The following LPIN1 variants were observed in gnomAD, a reference collection of about 807,000 sequenced individuals.
LPIN1 encodes the protein lipin 1.
A neutral mutation model predicts 107.5 loss-of-function variants in LPIN1; 71 were observed. The ratio of observed to expected loss-of-function variants is 0.66; its 90% CI spans 0.55 to 0.80. LPIN1 has a LOEUF of 0.80. LPIN1 is among the 30% of genes least tolerant of loss of function. The pLI is 0.00. For missense variants in LPIN1, 1,043 were observed against 1,160.6 expected (o/e 0.90, Z 1.47); for synonymous variants, 445 against 452.6 (o/e 0.98, Z 0.21).
intron 18 of LPIN1, chr2:11,817,084 A>G (rs1361609770): frequency 6.6e-6 from 1 of 152,188 alleles, no homozygotes; most frequent in African/African-American, 2.4e-5. Flanking sequence ...TGTCCCTGCA[A>G]AGGACATGAG....
At position 11,786,751 on chromosome 2, in the gene LPIN1, A is replaced by C. The variant is rs1212402423; in HGVS notation, c.1550-323A>C. Among the ~76,000 whole-genome samples, 3 of 152,146 alleles carry C rather than the reference A, an allele frequency of 2.0e-5. No homozygotes were observed. The highest frequency in any genetic ancestry group is 4.4e-5 in the Non-Finnish European group (3 of 68,020). On this transcript the variant is annotated intron_variant, in intron 10 of 20. Transcript: ENST00000674199. This position sits in a 1 kb window ranked among gnomAD's most constrained non-coding sequence, Gnocchi z 4.1. ...GCCGAGGGAGCCTGGCTTCTGCGCC[A>C]TGCGTAGCCATGACTCTGCCTGTGC...
intron 1 of LPIN1, among the ~76,000 whole-genome samples, chr2:11,705,139 A>G (rs1572354819): frequency 6.6e-6 from 1 of 152,330 alleles, no homozygotes; most frequent in Non-Finnish European, 1.5e-5. Flanking sequence ...GCCCCCTCCC[A>G]TAAATAGTAG....
chr2:11,713,946 A>T (rs932594048), intron 2 of LPIN1: 24 of 572,818 alleles, frequency 4.2e-5, no homozygotes, highest in Non-Finnish European at 5.8e-5. Context: ...CTTTCCGCTG[A>T]TGCTTTCAGA....
chr2:11,700,596 C>G (rs1662821188), intron 1 of LPIN1, among the ~76,000 whole-genome samples: 1 of 152,164 alleles, frequency 6.6e-6, no homozygotes, highest in Non-Finnish European at 1.5e-5. Flanking sequence ...GGCAGTATCA[C>G]AGATAAGGAA....
intron 17 of LPIN1, among the ~76,000 whole-genome samples, chr2:11,809,032 T>C (rs769407416): frequency 1.9e-3 from 292 of 152,272 alleles, no homozygotes; most frequent in Middle Eastern, 3.4e-3. Flanking sequence ...ATAAGGCTAA[T>C]TGTCACCTTG....
upstream of LPIN1, among the ~76,000 whole-genome samples, chr2:11,720,448 A>G (rs1354166438): frequency 6.6e-6 from 1 of 152,112 alleles, no homozygotes; most frequent in Non-Finnish European, 1.5e-5. Context: ...ATGCTTTAAT[A>G]TGTAACTACT....
intron 4 of LPIN1, among the ~76,000 whole-genome samples, chr2:11,773,162 T>C (rs1255018966): frequency 6.6e-6 from 1 of 152,232 alleles, no homozygotes; most frequent in Non-Finnish European, 1.5e-5. Context: ...GCATGTTTGG[T>C]TGATGCCATT....
intron 1 of LPIN1, among the ~76,000 whole-genome samples, chr2:11,757,239 C>A (rs1051577761): frequency 3.3e-5 from 5 of 152,212 alleles, no homozygotes; most frequent in Admixed American, 6.5e-5. Flanking sequence ...TGGTCCTCTG[C>A]AGGTTTTGTT....
At chr2:11,743,049 G>A (rs966826529), upstream of LPIN1, among the ~76,000 whole-genome samples, 1 of 152,192 alleles carries the variant, frequency 6.6e-6, no homozygotes, top group African/African-American at 2.4e-5. The surrounding 1 kb of genome is among the most constrained non-coding windows in gnomAD (Gnocchi z 4.7). Context: ...ATCAGTGCAC[G>A]GCCCTTCAGT....
intron 1 of LPIN1, among the ~76,000 whole-genome samples, chr2:11,701,025 G>C (rs993119146): frequency 1.3e-5 from 2 of 152,126 alleles, no homozygotes; most frequent in African/African-American, 4.8e-5. Context: ...CCTTGGCCCT[G>C]CTCCCCCTCA....
intron 3 of LPIN1, among the ~76,000 whole-genome samples, chr2:11,768,398 T>C (rs1035109472): frequency 1.3e-5 from 2 of 152,150 alleles, no homozygotes; most frequent in African/African-American, 4.8e-5. Context: ...TCGCCTCCCC[T>C]ATACTCCACC....
chr2:11,816,749 T>C (rs200472465), intron 18 of LPIN1: 7,095 of 152,028 alleles, frequency 0.047, 319 homozygotes, highest in East Asian at 0.14. Flanking sequence ...TCCTTTTTTT[T>C]TTTTTTTTTT....
chr2:11,691,133 A>C (rs1384584948), intron 1 of LPIN1, among the ~76,000 whole-genome samples: 1 of 134,728 alleles, frequency 7.4e-6, no homozygotes, highest in Non-Finnish European at 1.5e-5. Context: ...ACCAACTCCT[A>C]GTCCTTTGTT....
Position 11,733,735 on chromosome 2 carries a change from TC to T in LPIN1, c.-71-7611del, listed in dbSNP as rs201646056. On this transcript the variant is annotated intron_variant, in intron 1 of 21. Transcript: ENST00000396097. ...TTGAACTCCTGGCTTCAAGCAATCTTCCCGCCTCGGCCTCCCAAAGTGCTGG... is the reference window on the plus strand; with the variant it reads ...TTGAACTCCTGGCTTCAAGCAATCTTCCGCCTCGGCCTCCCAAAGTGCTGG... Among the ~76,000 whole-genome samples the T allele has an allele frequency of 7.8e-4, 118 of 152,204 alleles. 2 individuals carry two copies. The East Asian group carries it at 0.02, about 26-fold the overall frequency.
At chr2:11,758,993 C>T (rs1669096842) in intron 1 of LPIN1, among the ~76,000 whole-genome samples, 1 of 152,190 alleles carries the variant, frequency 6.6e-6, no homozygotes, top group Admixed American at 6.5e-5. Context: ...AGGAGTGGAG[C>T]CTTTGTCTTG....
intron 16 of LPIN1, among the ~76,000 whole-genome samples, 186 bp from the exon 17 acceptor site, chr2:11,804,884 C>T (rs529726572): frequency 1.3e-5 from 2 of 152,112 alleles, no homozygotes; most frequent in South Asian, 2.1e-4. Flanking sequence ...AGACTGGAGG[C>T]GTCCTTCTGT....
intron 17 of LPIN1, among the ~76,000 whole-genome samples, chr2:11,810,635 C>G (rs1290764120): frequency 6.6e-6 from 1 of 152,152 alleles, no homozygotes; most frequent in Non-Finnish European, 1.5e-5. Context: ...CAGTGGCTCT[C>G]AACTGACGGA....
chr2:11,778,114 C>T (rs970562154), intron 6 of LPIN1, among the ~76,000 whole-genome samples: 1 of 147,360 alleles, frequency 6.8e-6, no homozygotes, highest in Non-Finnish European at 1.5e-5. Flanking sequence ...GTTGAAAGGC[C>T]AGGAGCCTTT....
chr2:11,786,924 C>T lies in LPIN1; in HGVS notation c.1550-150C>T, dbSNP rs1204003028. 4.3e-5 allele frequency: 30 copies of T among 690,802 alleles called. No individual in the cohort carries two copies. In the Admixed American group the frequency reaches 5.3e-4, roughly 12 times the overall value. The allele number at this position is 690,802 out of a possible 1,614,324, so 42.8% of individuals were successfully genotyped here. On this transcript the variant is annotated intron_variant, in intron 10 of 20. Coordinates refer to ENST00000674199, the MANE Select transcript of LPIN1 (RefSeq NM_001349206.2). This position sits in a 1 kb window ranked among gnomAD's most constrained non-coding sequence, Gnocchi z 4.1. ...CGCCTTCCAGGTAAAATGGTGCGGC[C>T]TTTACAAATACATTTTATAGGATTG...
Sources: allele counts gnomAD v4.1 joint callset (sites outside exome capture counted in the v4.1 genomes callset), GRCh38; gene constraint gnomAD v4.1.1; non-coding constraint Gnocchi (gnomAD v3.1); transcripts MANE v1.5; gene names NCBI Gene and HGNC (gene_info 2026-07-23, HGNC 2026-07-21).